The following EML6 variants were observed in gnomAD, a reference collection of about 807,000 sequenced individuals.
EML6 encodes EMAP like 6, also known as echinoderm microtubule-associated protein-like 6.
EML6 carries 154 observed loss-of-function variants against 240.1 expected under a neutral mutation model. That is an observed-to-expected ratio of 0.64 (90% CI 0.56 to 0.73). The LOEUF is 0.73. EML6 is among the 30% of genes least tolerant of loss of function. EML6 has a pLI of 0.00. For missense variants in EML6, 2,964 were observed against 2,474.6 expected (o/e 1.20, Z -4.20); for synonymous variants, 1,148 against 899.0 (o/e 1.28, Z -4.95).
chr2:54,788,904 T>C (rs1350106106), intron 2 of EML6, among the ~76,000 whole-genome samples: 1 of 152,228 alleles, frequency 6.6e-6, no homozygotes, highest in Non-Finnish European at 1.5e-5. Context: ...TGGAGTTCCA[T>C]AGACTTAACG....
At position 54,882,930 on chromosome 2, in the gene EML6, G is replaced by A. The variant is rs1324861777; in HGVS notation, c.2438+3290G>A. On this transcript the variant is annotated intron_variant, in intron 17 of 41. Coordinates refer to ENST00000356458, the MANE Select transcript of EML6 (RefSeq NM_001039753.4). ...TATGGCAGGCGTATCGAACTTCCAA[G>A]TAAGCACTTCTGTATTAGCTTCATC... 4 of 148,540 alleles carry A rather than the reference G, an allele frequency of 2.7e-5. No individual in the cohort carries two copies. The East Asian group carries it at 8.0e-4, about 30-fold the overall frequency. The allele number at this position is 148,540 out of a possible 1,614,324, so 9.2% of individuals were successfully genotyped here. A position where few individuals can be genotyped will look rare whatever the true frequency, so the allele number is the denominator to read the frequency against.
chr2:54,846,923 A>ATTTTTTTT (rs34352060), intron 8 of EML6, among the ~76,000 whole-genome samples: 2 of 129,948 alleles, frequency 1.5e-5, no homozygotes, highest in South Asian at 2.8e-4. Context: ...ATGAAGTAGT[A>ATTTTTTTT]TTTTTTTTTT....
In EML6 at chr2:54,724,980, C is replaced by T. The variant is rs559043648; in HGVS notation, c.-82C>T. ...GCGCCCTGCGCCGCGCGCTGAGCCC[C>T]TGCAGGTCCGCCGCAGCCCCAGCCT... On this transcript the variant is annotated 5_prime_UTR_variant, in exon 2 of 42. Coordinates refer to ENST00000356458, the MANE Select transcript of EML6 (RefSeq NM_001039753.4). This position sits in a 1 kb window ranked among gnomAD's most constrained non-coding sequence, Gnocchi z 5.2. The T allele has an allele frequency of 2.4e-6, 3 of 1,224,760 alleles. No individual in the cohort carries two copies. Among genetic ancestry groups the T allele is most frequent in the African/African-American group, 1.6e-5 (1 of 62,192 alleles). 75.9% of individuals were successfully genotyped at this position (1,224,760 alleles called of 1,614,324 possible). A position where few individuals can be genotyped will look rare whatever the true frequency, so the allele number is the denominator to read the frequency against.
At chr2:54,814,541 T>A (rs1667998549) in intron 3 of EML6, among the ~76,000 whole-genome samples, 1 of 152,182 alleles carries the variant, frequency 6.6e-6, no homozygotes, top group Non-Finnish European at 1.5e-5. Flanking sequence ...CCTTCCTCTG[T>A]CTCTCTCACC....
intron 26 of EML6, among the ~76,000 whole-genome samples, chr2:54,917,745 C>T (rs1265824451): frequency 6.6e-6 from 1 of 152,214 alleles, no homozygotes; most frequent in African/African-American, 2.4e-5. Flanking sequence ...GTAGTAAGAT[C>T]ACATTTGACT....
In EML6 at chr2:54,816,837, C is replaced by G. The variant is rs377645256; in HGVS notation, c.408C>G (p.Asp136Glu). Reference protein sequence around the residue: ...LDAKNTVCIWDWRKGKLLASA... With the variant: ...LDAKNTVCIWEWRKGKLLASA... Reference sequence around the variant, plus strand: ...CCAAAAACACAGTCTGCATTTGGGACTGGAGGAAGGGAAAACTTCTGGCGT... The same window carrying G: ...CCAAAAACACAGTCTGCATTTGGGAGTGGAGGAAGGGAAAACTTCTGGCGT... Residue 136 changes from aspartate (D) to glutamate (E), a missense_variant, in exon 4 of 42, where the codon GAC (aspartate) becomes GAG (glutamate). Asp to Glu is a conservative substitution (Grantham distance 45). Transcript: ENST00000356458. The G allele has an allele frequency of 1.5e-5, 23 of 1,551,424 alleles. No individual in the cohort carries two copies. The African/African-American group carries it at 2.7e-4, about 18-fold the overall frequency.
At chr2:54,752,338 T>C (rs924636991) in intron 2 of EML6, among the ~76,000 whole-genome samples, 4 of 152,184 alleles carry the variant, frequency 2.6e-5, no homozygotes, top group African/African-American at 9.7e-5. Flanking sequence ...TAAAAAAGTA[T>C]AAAAATTATG....
At chr2:54,740,258 T>C (rs941530091) in intron 2 of EML6, among the ~76,000 whole-genome samples, 1 of 152,072 alleles carries the variant, frequency 6.6e-6, no homozygotes, top group Admixed American at 6.6e-5. Context: ...GTCAGGACTT[T>C]GAGAAAGATC....
intron 28 of EML6, among the ~76,000 whole-genome samples, chr2:54,936,955 C>T (rs975958115): frequency 5.6e-5 from 8 of 143,820 alleles, no homozygotes; most frequent in Admixed American, 2.9e-4. Context: ...CAGGCTAAAA[C>T]GGTCATGTCT....
Position 54,883,940 on chromosome 2 carries a change from C to T in EML6, c.2438+4300C>T, listed in dbSNP as rs1052453675. Among the ~76,000 whole-genome samples the T allele has an allele frequency of 5.3e-5, 8 of 152,182 alleles. No homozygotes were observed. The East Asian group carries it at 1.5e-3, about 29-fold the overall frequency. Reference sequence around the variant, plus strand: ...TAGAGTAGGACAACAAAAGCTCTCACCCAAACTCAAAGTGCTTTTTCCGTT... The same window carrying T: ...TAGAGTAGGACAACAAAAGCTCTCATCCAAACTCAAAGTGCTTTTTCCGTT... On this transcript the variant is annotated intron_variant, in intron 17 of 41. Transcript: ENST00000356458.
At chr2:54,776,121 T>TTTG (rs983157185) in intron 2 of EML6, among the ~76,000 whole-genome samples, 21 of 151,982 alleles carry the variant, frequency 1.4e-4, no homozygotes, top group Non-Finnish European at 2.6e-4. Context: ...CCTGCCTTAT[T>TTTG]TTGTTGTTGT....
At chr2:54,811,348 C>T (rs1045256691) in intron 2 of EML6, among the ~76,000 whole-genome samples, 7 of 152,208 alleles carry the variant, frequency 4.6e-5, no homozygotes, top group South Asian at 4.1e-4. Context: ...TTCTGCCATT[C>T]TCTGTAAGAC....
chr2:54,744,785 A>G (rs1270089165), intron 2 of EML6, among the ~76,000 whole-genome samples: 6 of 151,972 alleles, frequency 3.9e-5, no homozygotes, highest in Admixed American at 3.9e-4. Context: ...CCTATTGAAA[A>G]TTTAACTATG....
At chr2:54,861,028 G>C (rs1188367957) in intron 12 of EML6, among the ~76,000 whole-genome samples, 1 of 152,138 alleles carries the variant, frequency 6.6e-6, no homozygotes, top group Non-Finnish European at 1.5e-5. Flanking sequence ...AAAAAGGTTG[G>C]GAATGTGCAG....
At chr2:54,893,538 A>C (rs551720457) in intron 19 of EML6, among the ~76,000 whole-genome samples, 3 of 152,374 alleles carry the variant, frequency 2.0e-5, no homozygotes, top group East Asian at 3.9e-4. Flanking sequence ...TTACAGAGGC[A>C]GTTAAATTTC....
chr2:54,840,864 A>G (rs966324240), intron 7 of EML6, among the ~76,000 whole-genome samples: 1 of 152,212 alleles, frequency 6.6e-6, no homozygotes, highest in South Asian at 2.1e-4. Context: ...TTTTTTGCTG[A>G]TGTTGAAATA....
At chr2:54,867,028 C>T (rs1671007680) in intron 14 of EML6, 144 bp downstream of exon 14, 2 of 525,864 alleles carry the variant, frequency 3.8e-6, no homozygotes, top group South Asian at 3.1e-5. Context: ...GCACTTGTAC[C>T]TGTGGTTGCT....
Position 54,948,899 on chromosome 2 carries a change from C to T in EML6, c.4022C>T (p.Ala1341Val). 6.4e-7 allele frequency: 1 copy of T among 1,551,432 alleles called. No individual in the cohort carries two copies. The highest frequency in any genetic ancestry group is 8.7e-7 in the Non-Finnish European group (1 of 1,146,908). Residue 1341 changes from alanine (A) to valine (V), a missense_variant, in exon 29 of 42, where the codon GCA becomes GTA. Transcript: ENST00000356458. ...SVEERPPVSR[A>V]APQPEKLQKN... is the part of the protein sequence containing the mutation. ...TCTTCCAGACCACCCGTTAGCCGAGCAGCTCCCCAGCCTGAGAAACTGCAG... is the reference window on the plus strand; with the variant it reads ...TCTTCCAGACCACCCGTTAGCCGAGTAGCTCCCCAGCCTGAGAAACTGCAG...
rs769972289 is a variant in EML6, at chr2:54,950,689, G to A, written c.4123G>A (p.Asp1375Asn). The change falls in exon 30 of 42, where the codon GAC becomes AAC. Residue 1375 changes from aspartate (D) to asparagine (N), a missense_variant. Transcript: ENST00000356458. Reference protein sequence around the residue: ...LDHVFGYRGFDCRNNLHYLND... With the variant: ...LDHVFGYRGFNCRNNLHYLND... ...CCACGTGTTTGGCTACAGAGGTTTC[G>A]ACTGTCGAAATAACCTGCATTACCT... 15 of 1,551,476 alleles carry A rather than the reference G, an allele frequency of 9.7e-6. No homozygotes were observed. Among genetic ancestry groups the A allele is most frequent in the African/African-American group, 5.5e-5 (4 of 73,032 alleles).
Sources: allele counts gnomAD v4.1 joint callset (sites outside exome capture counted in the v4.1 genomes callset), GRCh38; gene constraint gnomAD v4.1.1; non-coding constraint Gnocchi (gnomAD v3.1); transcripts MANE v1.5; gene names NCBI Gene and HGNC (gene_info 2026-07-23, HGNC 2026-07-21).